ZNF676: variants seen among roughly 807,000 people sequenced by gnomAD.
ZNF676 encodes the protein zinc finger protein 676.
ZNF676 carries 4 observed loss-of-function variants against 6.0 expected under a neutral mutation model. The observed-to-expected ratio is 0.67, with a 90% CI of 0.33 to 1.53. ZNF676 has a LOEUF of 1.53. ZNF676 is among the 40% of genes most tolerant of loss of function. The probability of loss-of-function intolerance (pLI) is 0.06; values close to 1 mark genes in which losing one functional copy is unlikely to be tolerated. For missense variants in ZNF676, 644 were observed against 679.7 expected (o/e 0.95, Z 0.58); for synonymous variants, 198 against 223.1 (o/e 0.89, Z 1.00).
chr19:22,238,677 T>C, the ZNF676 span, among the ~76,000 whole-genome samples: 1 of 152,154 alleles, frequency 6.6e-6, no homozygotes, highest in Non-Finnish European at 1.5e-5. Flanking sequence ...TATATGTTAA[T>C]TAAGTATTAA....
At chr19:22,212,064 G>A (rs1443725539) in intron 1 of ZNF676, among the ~76,000 whole-genome samples, 1 of 151,790 alleles carries the variant, frequency 6.6e-6, no homozygotes, top group Non-Finnish European at 1.5e-5. Context: ...GCTGGGTGTG[G>A]TGGCGGGTGC....
intron 1 of ZNF676, among the ~76,000 whole-genome samples, chr19:22,194,721 C>A (rs2023949063): frequency 1.3e-5 from 2 of 152,142 alleles, no homozygotes; most frequent in East Asian, 3.9e-4. Flanking sequence ...CATAATAACA[C>A]CCCCGCTAGG....
the ZNF676 span, among the ~76,000 whole-genome samples, chr19:22,235,459 C>A: frequency 6.6e-6 from 1 of 152,298 alleles, no homozygotes; most frequent in East Asian, 1.9e-4. Context: ...AGACATTGTG[C>A]CTCTTTCTTG....
the ZNF676 span, among the ~76,000 whole-genome samples, chr19:22,239,952 A>T: frequency 5.3e-5 from 8 of 152,340 alleles, no homozygotes; most frequent in East Asian, 9.7e-4. Context: ...TAGGTGAGAA[A>T]ACCTGACATA....
chr19:22,258,352 C>T, the ZNF676 span, among the ~76,000 whole-genome samples: 1 of 152,050 alleles, frequency 6.6e-6, no homozygotes, highest in Non-Finnish European at 1.5e-5. Context: ...CTGGGTTCAG[C>T]AGTATTTCAC....
chr19:22,231,803 A>G, the ZNF676 span, among the ~76,000 whole-genome samples: 1 of 151,762 alleles, frequency 6.6e-6, no homozygotes, highest in Admixed American at 6.6e-5. Context: ...GGTTTTCACC[A>G]TGTTGGCCAT....
At chr19:22,249,882 T>A in the ZNF676 span, among the ~76,000 whole-genome samples, 2 of 152,094 alleles carry the variant, frequency 1.3e-5, no homozygotes, top group South Asian at 4.2e-4. Context: ...GTATATAAGA[T>A]TTTATTAAAA....
chr19:22,248,081 A>T, the ZNF676 span, among the ~76,000 whole-genome samples: 5 of 151,934 alleles, frequency 3.3e-5, no homozygotes, highest in East Asian at 1.9e-4. Flanking sequence ...CGAACTCATC[A>T]TTTTTTTATG....
chr19:22,253,758 C>T, the ZNF676 span, among the ~76,000 whole-genome samples: 1 of 151,918 alleles, frequency 6.6e-6, no homozygotes, highest in Non-Finnish European at 1.5e-5. Context: ...TTCAGGACCT[C>T]TCCAATGGGG....
the ZNF676 span, among the ~76,000 whole-genome samples, chr19:22,233,992 G>A: frequency 3.3e-5 from 5 of 152,140 alleles, no homozygotes; most frequent in East Asian, 3.9e-4. Flanking sequence ...TTTTTCAATG[G>A]TGCTTCTTCC....
At chr19:22,185,743 T>C (rs2023829378) in intron 2 of ZNF676, among the ~76,000 whole-genome samples, 1 of 152,114 alleles carries the variant, frequency 6.6e-6, no homozygotes, top group African/African-American at 2.4e-5. Context: ...CATGCATAAG[T>C]ATCAATAGCT....
chr19:22,226,333 A>G, the ZNF676 span, among the ~76,000 whole-genome samples: 2 of 151,992 alleles, frequency 1.3e-5, no homozygotes, highest in Non-Finnish European at 2.9e-5. Flanking sequence ...TTGAAATGGG[A>G]AAGTTTATTA....
chr19:22,180,453 T>C lies in ZNF676; in HGVS notation c.1264A>G (p.Lys422Glu), dbSNP rs2023718589. The C allele has an allele frequency of 6.2e-7, 1 of 1,611,642 alleles. No homozygotes were observed. Among genetic ancestry groups the C allele is most frequent in the Admixed American group, 1.7e-5 (1 of 59,764 alleles). ...KRIHTGEKPY[K>E]CEECGKAFSW... ...AAGGCTTTGCCACATTCTTCACACT[T>C]GTAGGGTTTCTCTCCAGTATGAATT... The change falls in exon 3 of 3, where the codon AAG (lysine) becomes GAG (glutamate). Residue 422 changes from lysine (K) to glutamate (E), a missense_variant. Transcript: ENST00000397121.
the ZNF676 span, among the ~76,000 whole-genome samples, chr19:22,246,454 C>T: frequency 2.0e-5 from 3 of 152,238 alleles, no homozygotes; most frequent in African/African-American, 7.2e-5. Flanking sequence ...AGGGGAGTCA[C>T]ATCACCTAAT....
chr19:22,232,012 A>G, the ZNF676 span, among the ~76,000 whole-genome samples: 1 of 152,124 alleles, frequency 6.6e-6, no homozygotes, highest in African/African-American at 2.4e-5. Context: ...TTTACTGGGA[A>G]CCTATAACAA....
chr19:22,188,719 A>G (rs1361777252), intron 2 of ZNF676, among the ~76,000 whole-genome samples: 1 of 152,174 alleles, frequency 6.6e-6, no homozygotes, highest in Non-Finnish European at 1.5e-5. Context: ...CACCAATAAT[A>G]GAGAGCCAAA....
Position 22,180,164 on chromosome 19 carries a change from G to A in ZNF676, c.1553C>T (p.Ser518Leu), listed in dbSNP as rs568625576. The A allele has an allele frequency of 1.4e-5, 23 of 1,613,628 alleles. No homozygotes were observed. The highest frequency in any genetic ancestry group is 6.7e-5 in the African/African-American group (5 of 74,992). Reference protein sequence around the residue: ...EECGKAFSWSSILTEHKIIHT... With the variant: ...EECGKAFSWSLILTEHKIIHT... ...AATTATCTTATGTTCAGTAAGGATCGAGGACCAGCTGAAGGCTTTGCCACA... is the reference window on the plus strand; with the variant it reads ...AATTATCTTATGTTCAGTAAGGATCAAGGACCAGCTGAAGGCTTTGCCACA... Residue 518 changes from serine (S) to leucine (L), a missense_variant, in exon 3 of 3, where the codon TCG becomes TTG. Around this residue, in one of 5 missense-constraint regions of ZNF676, gnomAD observed 306 missense variants for 265.4 expected, o/e 1.15. Transcript: ENST00000397121.
chr19:22,196,464 A>G, intron 1 of ZNF676, 136 bp downstream of exon 1: 1 of 1,537,048 alleles, frequency 6.5e-7, no homozygotes, highest in Non-Finnish European at 8.9e-7. Flanking sequence ...GGAGTCCACG[A>G]CCCCTTCTTC....
chr19:22,190,888 C>T lies in ZNF676; in HGVS notation c.130+2128G>A, dbSNP rs568904708. On this transcript the variant is annotated intron_variant, in intron 2 of 2. Coordinates refer to ENST00000397121, the MANE Select transcript of ZNF676 (RefSeq NM_001001411.3). ...ATTATGCAAAATGAAATGAGTCAGC[C>T]ATAAAAAGACAAAGATTCTATGAGA... Among the ~76,000 whole-genome samples, 25 of 151,418 alleles carry T rather than the reference C, an allele frequency of 1.7e-4. No individual in the cohort carries two copies. In the South Asian group the frequency reaches 4.4e-3, roughly 27 times the overall value.
Sources: allele counts gnomAD v4.1 joint callset (sites outside exome capture counted in the v4.1 genomes callset), GRCh38; gene constraint gnomAD v4.1.1; regional missense constraint gnomAD v4.1.1; transcripts MANE v1.5; gene names NCBI Gene and HGNC (gene_info 2026-07-23, HGNC 2026-07-21).